The following ABHD3 variants were observed in gnomAD, a reference collection of about 807,000 sequenced individuals.
ABHD3 encodes phospholipase ABHD3.
Under a neutral mutation model 48.8 loss-of-function variants are expected in ABHD3, and 46 were observed. The observed-to-expected ratio is 0.94, with a 90% CI of 0.74 to 1.20. The LOEUF is 1.20. Among genes scored for constraint, ABHD3 ranks in the 50% most tolerant of loss-of-function variants. The pLI, the probability that ABHD3 is intolerant of heterozygous loss-of-function variation, is 0.00. For synonymous variants in ABHD3, 192 were observed against 183.7 expected (o/e 1.04, Z -0.36); for missense variants, 490 against 497.8 (o/e 0.98, Z 0.15).
At chr18:21,663,917 T>C in intron 5 of ABHD3, 1 of 1,431,202 alleles carries the variant, frequency 7.0e-7, no homozygotes, top group Non-Finnish European at 9.1e-7. Context: ...AGACCCGTAG[T>C]TAAGAAAAAT....
intron 3 of ABHD3, among the ~76,000 whole-genome samples, chr18:21,699,042 T>G (rs1263542925): frequency 6.6e-6 from 1 of 151,976 alleles, no homozygotes; most frequent in Non-Finnish European, 1.5e-5. Flanking sequence ...CAAGCGATTC[T>G]CGTGTCTTAA....
rs1477490957 is a variant in ABHD3, at chr18:21,703,728, C to G, written c.182G>C (p.Gly61Ala). 1 of 1,613,794 alleles carries G rather than the reference C, an allele frequency of 6.2e-7. No homozygotes were observed. Among genetic ancestry groups the G allele is most frequent in the Non-Finnish European group, 8.5e-7 (1 of 1,179,912 alleles). Residue 61 changes from glycine to alanine, a missense_variant, in exon 2 of 9, where the codon GGG becomes GCG. Gly to Ala is a moderately conservative substitution (Grantham distance 60). Transcript: ENST00000289119. ...SIAKKPQLVT[G>A]GESFSRFLQD... The stretch of plus-strand genomic sequence containing the variant: ...AAGGAAGCGGCTGAAACTCTCACCC[C>G]CGGTCACTAACTGGGGTTTCTGAAG...
intron 5 of ABHD3, among the ~76,000 whole-genome samples, chr18:21,660,793 A>C (rs2039475121): frequency 6.6e-6 from 1 of 152,130 alleles, no homozygotes; most frequent in Admixed American, 6.6e-5. Context: ...ATTGTGATTC[A>C]CCAAACCATA....
intron 1 of ABHD3, 84 bp from the exon 2 acceptor site, chr18:21,703,831 TCG>T (rs1598572101): frequency 1.4e-4 from 206 of 1,481,214 alleles, no homozygotes; most frequent in Admixed American, 2.0e-4. Context: ...GACTTGTCGC[TCG>T]CGCGCGCGCT....
chr18:21,697,985 T>G (rs1215034718), intron 3 of ABHD3, among the ~76,000 whole-genome samples: 1 of 152,060 alleles, frequency 6.6e-6, no homozygotes. Flanking sequence ...TGACTCTCCC[T>G]AAACCTTCAA....
At chr18:21,671,037 C>T (rs1260784866) in intron 4 of ABHD3, among the ~76,000 whole-genome samples, 1 of 152,068 alleles carries the variant, frequency 6.6e-6, no homozygotes, top group African/African-American at 2.4e-5. Flanking sequence ...AATGTCACAA[C>T]AGGTGAGACT....
Position 21,663,909 on chromosome 18 carries a change from AC to A in ABHD3, c.668+208del, listed in dbSNP as rs1482183111. On this transcript the variant is annotated intron_variant, in intron 5 of 8. Coordinates refer to ENST00000289119, the MANE Select transcript of ABHD3 (RefSeq NM_138340.5). ...GCTCACAAAATCCGCAGTCACAGAGACCCGTAGTTAAGAAAAATATTAAAAT... is the reference window on the plus strand; with the variant it reads ...GCTCACAAAATCCGCAGTCACAGAGACCGTAGTTAAGAAAAATATTAAAAT... 3.5e-6 allele frequency: 5 copies of A among 1,434,456 alleles called. No homozygotes were observed. In the African/African-American group the frequency reaches 7.2e-5, roughly 21 times the overall value. 88.9% of individuals were successfully genotyped at this position (1,434,456 alleles called of 1,614,324 possible).
intron 3 of ABHD3, among the ~76,000 whole-genome samples, chr18:21,694,448 T>G (rs1265026865): frequency 6.6e-6 from 1 of 152,196 alleles, no homozygotes; most frequent in African/African-American, 2.4e-5. Context: ...TCTCCTACAC[T>G]GAGTCTCTCA....
intron 6 of ABHD3, among the ~76,000 whole-genome samples, chr18:21,658,838 GTTT>G (rs564228924): frequency 7.3e-6 from 1 of 136,634 alleles, no homozygotes. Flanking sequence ...GGAGACAATA[GTTT>G]TTTTTTTTTT....
chr18:21,657,335 C>T (rs1199819570), intron 6 of ABHD3, among the ~76,000 whole-genome samples, 183 bp from the exon 7 acceptor site: 2 of 150,734 alleles, frequency 1.3e-5, no homozygotes, highest in Admixed American at 6.6e-5. Context: ...ATATTTTCTT[C>T]AAGTACTTTT....
chr18:21,700,070 T>C (rs543238345), intron 3 of ABHD3, among the ~76,000 whole-genome samples: 14 of 151,556 alleles, frequency 9.2e-5, no homozygotes, highest in Non-Finnish European at 2.1e-4. Context: ...TTCAACCACA[T>C]TGTTTTTATT....
chr18:21,686,340 G>A (rs1386765783), intron 3 of ABHD3, among the ~76,000 whole-genome samples: 1 of 152,206 alleles, frequency 6.6e-6, no homozygotes, highest in East Asian at 1.9e-4. Context: ...CTTGAAACTT[G>A]AAGCTCCCAG....
chr18:21,692,137 A>T (rs1209832656), intron 3 of ABHD3, among the ~76,000 whole-genome samples: 1 of 152,108 alleles, frequency 6.6e-6, no homozygotes, highest in Non-Finnish European at 1.5e-5. Context: ...TTTAGTAGTG[A>T]CGGGGTTTCA....
intron 4 of ABHD3, among the ~76,000 whole-genome samples, chr18:21,681,938 A>T (rs2040013043): frequency 6.6e-6 from 1 of 152,152 alleles, no homozygotes; most frequent in African/African-American, 2.4e-5. Flanking sequence ...AGCCTGGGCA[A>T]CAGAGTGAGA....
intron 4 of ABHD3, among the ~76,000 whole-genome samples, chr18:21,681,438 C>G (rs1276895297): frequency 6.6e-6 from 1 of 152,080 alleles, no homozygotes; most frequent in Non-Finnish European, 1.5e-5. Context: ...GTTCTCTCGT[C>G]TTTATTCCCC....
rs903002793 is a variant in ABHD3 at position 21,655,008 on chromosome 18, G to A, written c.1057+1853C>T. The A allele has an allele frequency of 3.0e-4, 46 of 152,158 alleles. 2 individuals carry two copies. Among genetic ancestry groups the A allele is most frequent in the African/African-American group, 4.8e-5 (2 of 41,434 alleles). The allele number at this position is 152,158 out of a possible 1,614,324, so 9.4% of individuals were successfully genotyped here. ...ATATGCTAAAACAATCACCATGTAA[G>A]TCAACTGATATTAAAGTTCAGAGTT... is the stretch of plus-strand genomic sequence containing the variant. On this transcript the variant is annotated intron_variant, in intron 8 of 8. Transcript: ENST00000289119.
intron 4 of ABHD3, among the ~76,000 whole-genome samples, chr18:21,669,856 G>C (rs986541470): frequency 1.3e-5 from 2 of 152,138 alleles, no homozygotes; most frequent in African/African-American, 2.4e-5. Context: ...TACAGGGCTG[G>C]TAAGTTGGAT....
chr18:21,670,113 A>T (rs1264363088), intron 4 of ABHD3, among the ~76,000 whole-genome samples: 1 of 152,140 alleles, frequency 6.6e-6, no homozygotes, highest in Admixed American at 6.5e-5. Context: ...TTATCCACCA[A>T]TTCCCTTTTA....
At chr18:21,673,853 G>A (rs1407053314) in intron 4 of ABHD3, among the ~76,000 whole-genome samples, 16 of 152,062 alleles carry the variant, frequency 1.1e-4, no homozygotes, top group African/African-American at 3.6e-4. Flanking sequence ...CAATCCACCC[G>A]CCTCGGCCTC....
Sources: allele counts gnomAD v4.1 joint callset (sites outside exome capture counted in the v4.1 genomes callset), GRCh38; gene constraint gnomAD v4.1.1; transcripts MANE v1.5; gene names NCBI Gene and HGNC (gene_info 2026-07-23, HGNC 2026-07-21).